Variants in TMEM165 observed in about 807,000 individuals in gnomAD.
TMEM165 encodes putative divalent cation/proton antiporter TMEM165.
Under a neutral mutation model 30.0 loss-of-function variants are expected in TMEM165, and 19 were observed. The ratio of observed to expected loss-of-function variants is 0.63; its 90% CI spans 0.44 to 0.93. The LOEUF is 0.93. Ranked by LOEUF, TMEM165 falls within the 40% of genes least tolerant of loss-of-function variation. The probability of loss-of-function intolerance (pLI) is 0.00; values close to 1 mark genes in which losing one functional copy is unlikely to be tolerated. For missense variants in TMEM165, 340 were observed against 417.0 expected, an observed-to-expected ratio of 0.82 and a Z score of 1.61; for synonymous variants, 168 against 162.9, an observed-to-expected ratio of 1.03 and a Z score of -0.24.
chr4:55,452,010 G>C (rs995263642), intron 3 of TMEM165, among the ~76,000 whole-genome samples: 3 of 152,048 alleles, frequency 2.0e-5, no homozygotes, highest in African/African-American at 7.2e-5. Context: ...ATAGATTTTT[G>C]ACTCTTTTCA....
intron 1 of TMEM165, among the ~76,000 whole-genome samples, chr4:55,400,495 T>A (rs1201263988): frequency 3.4e-5 from 5 of 147,128 alleles, no homozygotes; most frequent in African/African-American, 1.3e-4. Flanking sequence ...TGGAGTGCAG[T>A]GGCGTGATCT....
rs576064088 is a variant in TMEM165 at position 55,444,434 on chromosome 4, G to A, written c.409-7805G>A. The stretch of plus-strand genomic sequence containing the variant: ...AGATGACTGGAGAAACAAGGATGTT[G>A]ACAGAAATACCCTCAGAAACAAATT... On this transcript the variant is annotated intron_variant, in intron 3 of 3. Transcript: ENST00000608091. 1.6e-4 allele frequency among the ~76,000 whole-genome samples: 25 copies of A among 152,264 alleles called. 1 individual carries two copies. The South Asian group carries it at 2.1e-3, about 13-fold the overall frequency.
chr4:55,420,178 ATTC>A (rs1349137521), intron 4 of TMEM165, among the ~76,000 whole-genome samples: 2 of 137,962 alleles, frequency 1.4e-5, no homozygotes, highest in Non-Finnish European at 3.1e-5. Flanking sequence ...TGTACCCTAT[ATTC>A]TTCTTGATTT....
At chr4:55,408,141 A>G (rs945282009) in intron 1 of TMEM165, among the ~76,000 whole-genome samples, 5 of 152,176 alleles carry the variant, frequency 3.3e-5, no homozygotes, top group Non-Finnish European at 7.4e-5. Flanking sequence ...ATTAAAAAAG[A>G]TCTTCTATCT....
chr4:55,422,510 G>A (rs111961975), intron 4 of TMEM165, among the ~76,000 whole-genome samples: 5,129 of 152,098 alleles, frequency 0.034, 104 homozygotes, highest in Non-Finnish European at 0.054. Flanking sequence ...TGCCTGCCTC[G>A]GCCTCCCAAA....
rs1379104656 is a variant in TMEM165 at position 55,396,169 on chromosome 4, G to A, written c.-21G>A. ...GCACTTCCTCTTGCGGCGCCCGTGC[G>A]CGGCCGGCCCGGCAGGCGGGATGGC... is the stretch of plus-strand genomic sequence containing the variant. On this transcript the variant is annotated 5_prime_UTR_variant, in exon 1 of 6. Transcript: ENST00000381334. 2.2e-6 allele frequency: 3 copies of A among 1,348,424 alleles called. No individual in the cohort carries two copies. Among genetic ancestry groups the A allele is most frequent in the African/African-American group, 3.1e-5 (2 of 64,654 alleles). 83.5% of individuals were successfully genotyped at this position (1,348,424 alleles called of 1,614,324 possible).
rs969024385 is a variant in TMEM165, at chr4:55,412,076, C to A, written c.433+237C>A. 3 of 570,804 alleles carry A rather than the reference C, an allele frequency of 5.3e-6. No homozygotes were observed. The Admixed American group carries it at 9.3e-5, about 18-fold the overall frequency. The allele number at this position is 570,804 out of a possible 1,614,324, so 35.4% of individuals were successfully genotyped here. Reference sequence around the variant, plus strand: ...CTTCAATTTAAGGAATTGCAAAGATCTAATTTCTGTTATATTGTGTAAAGT... The same window carrying A: ...CTTCAATTTAAGGAATTGCAAAGATATAATTTCTGTTATATTGTGTAAAGT... On this transcript the variant is annotated intron_variant, in intron 2 of 5. Coordinates refer to ENST00000381334, the MANE Select transcript of TMEM165 (RefSeq NM_018475.5).
intron 1 of TMEM165, among the ~76,000 whole-genome samples, chr4:55,410,430 T>C (rs369285302): frequency 1.3e-5 from 2 of 152,212 alleles, no homozygotes; most frequent in African/African-American, 4.8e-5. Flanking sequence ...TTCTTTTTTT[T>C]TGAGACAGAG....
At chr4:55,443,610 G>T in intron 3 of TMEM165, 1 of 1,084,458 alleles carries the variant, frequency 9.2e-7, no homozygotes, top group Non-Finnish European at 1.4e-6. Flanking sequence ...TATCATTAGA[G>T]CTTTATTTCT....
intron 5 of TMEM165, 72 bp downstream of exon 5, chr4:55,424,715 T>G: frequency 9.8e-7 from 1 of 1,025,582 alleles, no homozygotes; most frequent in Non-Finnish European, 1.5e-6. Flanking sequence ...TAGCTTTGAT[T>G]ATTTAAATTT....
chr4:55,429,385 G>T (rs1007059248), downstream of TMEM165: 1 of 152,112 alleles, frequency 6.6e-6, no homozygotes, highest in African/African-American at 2.4e-5. Context: ...GGAGGATTCT[G>T]TTCCAATGCT....
In TMEM165 at chr4:55,426,147, C is replaced by G. The variant is rs1484374303; in HGVS notation, c.*695C>G. On this transcript the variant is annotated 3_prime_UTR_variant, in exon 6 of 6. Coordinates refer to ENST00000381334, the MANE Select transcript of TMEM165 (RefSeq NM_018475.5). ...TGAATAAACAATGTAACATAGATAA[C>G]AATATAAATAAAAGTGGTATGACCA... 6.6e-6 allele frequency: 1 copy of G among 151,852 alleles called. No individual in the cohort carries two copies. The highest frequency in any genetic ancestry group is 1.5e-5 in the Non-Finnish European group (1 of 67,970). The allele number at this position is 151,852 out of a possible 1,614,324, so 9.4% of individuals were successfully genotyped here. A position where few individuals can be genotyped will look rare whatever the true frequency, so the allele number is the denominator to read the frequency against.
At chr4:55,442,388 T>A (rs191796570) in intron 3 of TMEM165, 1 of 1,512,760 alleles carries the variant, frequency 6.6e-7, no homozygotes, top group East Asian at 2.3e-5. Context: ...TTCTAATCAA[T>A]CGGTTTACAA....
intron 3 of TMEM165, chr4:55,438,291 T>C (rs373162158): frequency 3.3e-5 from 54 of 1,613,952 alleles, no homozygotes; most frequent in Non-Finnish European, 4.3e-5. Flanking sequence ...CCTGTAAAAA[T>C]TGTTGCGGTG....
chr4:55,449,048 T>C (rs1724196019), intron 3 of TMEM165, among the ~76,000 whole-genome samples: 1 of 152,152 alleles, frequency 6.6e-6, no homozygotes, highest in East Asian at 1.9e-4. Flanking sequence ...TATTTATCTT[T>C]TATTTTCCAA....
chr4:55,411,405 T>G (rs910755229), intron 1 of TMEM165, among the ~76,000 whole-genome samples: 1 of 152,086 alleles, frequency 6.6e-6, no homozygotes, highest in Non-Finnish European at 1.5e-5. Context: ...CTACTTCTGG[T>G]CCCATACATT....
intron 1 of TMEM165, among the ~76,000 whole-genome samples, chr4:55,406,721 GTCATCTCTGC>G (rs1001437217): frequency 1.3e-5 from 2 of 151,802 alleles, no homozygotes; most frequent in Non-Finnish European, 2.9e-5. Flanking sequence ...GTGCAGTGAT[GTCATCTCTGC>G]TCACTGCAAC....
At position 55,425,500 on chromosome 4, in the gene TMEM165, T is replaced by C. The variant is rs1722158973; in HGVS notation, c.*48T>C. The C allele has an allele frequency of 1.4e-6, 2 of 1,395,188 alleles. No individual in the cohort carries two copies. The highest frequency in any genetic ancestry group is 2.0e-6 in the Non-Finnish European group (2 of 984,486). The allele number at this position is 1,395,188 out of a possible 1,614,324, so 86.4% of individuals were successfully genotyped here. A position where few individuals can be genotyped will look rare whatever the true frequency, so the allele number is the denominator to read the frequency against. ...TTAGTTTAAAATAGGTAGTATTATC[T>C]TTCTGTACATAGTGTACATTACAAC... On this transcript the variant is annotated 3_prime_UTR_variant, in exon 6 of 6. Transcript: ENST00000381334.
At chr4:55,402,794 G>GTTTTTTTTTTTT (rs1491276185) in intron 1 of TMEM165, among the ~76,000 whole-genome samples, 1 of 52,520 alleles carries the variant, frequency 1.9e-5, no homozygotes, top group African/African-American at 8.3e-5. Context: ...TTTAAAAAAA[G>GTTTTTTTTTTTT]CTTTTTTTTT....
Sources: allele counts gnomAD v4.1 joint callset (sites outside exome capture counted in the v4.1 genomes callset), GRCh38; gene constraint gnomAD v4.1.1; transcripts MANE v1.5; gene names NCBI Gene and HGNC (gene_info 2026-07-23, HGNC 2026-07-21).